SERPINI1: variants seen among roughly 807,000 people sequenced by gnomAD.
SERPINI1 encodes serpin family I member 1.
A neutral mutation model predicts 41.1 loss-of-function variants in SERPINI1; 19 were observed. The observed-to-expected ratio is 0.46, with a 90% CI of 0.32 to 0.68. The LOEUF is 0.68. Ranked by LOEUF, SERPINI1 falls within the 30% of genes least tolerant of loss-of-function variation. SERPINI1 has a pLI of 0.03. For synonymous variants in SERPINI1, 138 were observed against 156.6 expected (o/e 0.88, Z 0.89); for missense variants, 460 against 479.2 (o/e 0.96, Z 0.37).
chr3:167,749,202 C>G (rs144249924), intron 1 of SERPINI1, among the ~76,000 whole-genome samples: 2 of 152,248 alleles, frequency 1.3e-5, no homozygotes, highest in East Asian at 3.9e-4. Flanking sequence ...TTCCTCTCTT[C>G]TGTGTCTTAA....
chr3:167,789,403 T>C lies in SERPINI1; in HGVS notation c.250+25T>C, dbSNP rs777674900. 3.7e-6 allele frequency: 6 copies of C among 1,613,734 alleles called. No individual in the cohort carries two copies. In the Admixed American group the frequency reaches 1.0e-4, roughly 27 times the overall value. ...GGTAAGAGTGATCAGGTTTGATTTCTCAAGACTTTTGAATTTGACTTTGAC... is the reference window on the plus strand; with the variant it reads ...GGTAAGAGTGATCAGGTTTGATTTCCCAAGACTTTTGAATTTGACTTTGAC... On this transcript the variant is annotated intron_variant, in intron 2 of 8. Transcript: ENST00000446050.
At chr3:167,806,694 T>C (rs1468486330) in intron 5 of SERPINI1, among the ~76,000 whole-genome samples, 6 of 152,158 alleles carry the variant, frequency 3.9e-5, no homozygotes, top group Non-Finnish European at 8.8e-5. Context: ...ATGCTAAATG[T>C]ATTTATTGCA....
chr3:167,757,499 C>T (rs1029117568), intron 1 of SERPINI1, among the ~76,000 whole-genome samples: 1 of 150,914 alleles, frequency 6.6e-6, no homozygotes, highest in Non-Finnish European at 1.5e-5. Flanking sequence ...TTAGTGAGAT[C>T]TCTCTCTCTC....
At chr3:167,812,248 C>G (rs556576714) in intron 6 of SERPINI1, among the ~76,000 whole-genome samples, 25 of 152,298 alleles carry the variant, frequency 1.6e-4, no homozygotes, top group South Asian at 1.2e-3. Context: ...TTAGATCATT[C>G]CAGTTCCTGT....
At chr3:167,787,429 T>C (rs1727350808) in intron 1 of SERPINI1, among the ~76,000 whole-genome samples, 1 of 152,238 alleles carries the variant, frequency 6.6e-6, no homozygotes, top group African/African-American at 2.4e-5. Flanking sequence ...ACCTATCACA[T>C]GCGTCACCAC....
rs115642009 is a variant in SERPINI1, at chr3:167,810,278, C to T, written c.979+2937C>T. On this transcript the variant is annotated intron_variant, in intron 6 of 8. Transcript: ENST00000446050. ...GATTAATGTCTATAACTCTTCATAACCCCCATAAATACCCAGGAAAATTAT... is the reference window on the plus strand; with the variant it reads ...GATTAATGTCTATAACTCTTCATAATCCCCATAAATACCCAGGAAAATTAT... Among the ~76,000 whole-genome samples, 695 of 152,128 alleles carry T rather than the reference C, an allele frequency of 4.6e-3. 7 individuals are homozygous for T. The highest frequency in any genetic ancestry group is 0.016 in the African/African-American group (656 of 41,520).
intron 1 of SERPINI1, among the ~76,000 whole-genome samples, chr3:167,744,820 T>C (rs1299486080): frequency 1.3e-4 from 15 of 116,340 alleles, no homozygotes; most frequent in African/African-American, 4.7e-4. Context: ...AATATAGTTA[T>C]ATATATAATA....
intron 1 of SERPINI1, among the ~76,000 whole-genome samples, chr3:167,741,646 T>C (rs375699683): frequency 6.6e-6 from 1 of 152,332 alleles, no homozygotes; most frequent in East Asian, 1.9e-4. Context: ...TTGAATTAAA[T>C]CAGTTATTGG....
At position 167,792,791 on chromosome 3, in the gene SERPINI1, C is replaced by T. The variant is rs1560010016; in HGVS notation, c.676+7C>T. ...CAAGGAGAATTTTATTATGGTAAGA[C>T]ATTTTTTGCTTTTATTTCTCTCTTC... On this transcript the variant is annotated splice_region_variant and intron_variant, in intron 4 of 8. Coordinates refer to ENST00000446050, the MANE Select transcript of SERPINI1 (RefSeq NM_001122752.2). 2 of 1,610,062 alleles carry T rather than the reference C, an allele frequency of 1.2e-6. No individual in the cohort carries two copies. Among genetic ancestry groups the T allele is most frequent in the Non-Finnish European group, 1.7e-6 (2 of 1,176,758 alleles).
In SERPINI1 at chr3:167,790,387, T is replaced by C; in HGVS notation, c.266T>C (p.Phe89Ser). 6.2e-7 allele frequency: 1 copy of C among 1,612,286 alleles called. No homozygotes were observed. Among genetic ancestry groups the C allele is most frequent in the South Asian group, 1.1e-5 (1 of 90,998 alleles). The part of the protein sequence containing the change: ...DSLKNGEEFS[F>S]LKEFSNMVTA... ...CATCTTTCAGGTGAAGAATTTTCTT[T>C]CTTGAAGGAGTTTTCAAACATGGTA... The change falls in exon 3 of 9, where the codon TTC becomes TCC. Residue 89 changes from phenylalanine to serine, a missense_variant. By Grantham distance (155) the Phe-to-Ser change is radical. Transcript: ENST00000446050.
chr3:167,824,681 A>T (rs1712455570), intron 8 of SERPINI1, 119 bp downstream of exon 8: 1 of 645,272 alleles, frequency 1.5e-6, no homozygotes, highest in Non-Finnish European at 2.7e-6. Context: ...TTATTTATTT[A>T]TTCTCTTTCC....
chr3:167,736,780 G>T (rs1296714538), intron 1 of SERPINI1, among the ~76,000 whole-genome samples: 1 of 152,178 alleles, frequency 6.6e-6, no homozygotes, highest in African/African-American at 2.4e-5. Flanking sequence ...AAGTTGTAAT[G>T]CTGGGTAAAG....
chr3:167,798,049 A>G (rs1727773383), intron 5 of SERPINI1, among the ~76,000 whole-genome samples: 1 of 152,164 alleles, frequency 6.6e-6, no homozygotes, highest in Non-Finnish European at 1.5e-5. Context: ...CTCCAATTCT[A>G]TGAGGATGCA....
intron 7 of SERPINI1, among the ~76,000 whole-genome samples, chr3:167,823,960 A>C (rs780612120): frequency 2.0e-5 from 3 of 152,218 alleles, no homozygotes; most frequent in Non-Finnish European, 2.9e-5. Context: ...TCTCACTGTT[A>C]TATTTTCCCT....
intron 1 of SERPINI1, among the ~76,000 whole-genome samples, chr3:167,783,702 C>T (rs1005998677): frequency 6.6e-6 from 1 of 152,136 alleles, no homozygotes; most frequent in Admixed American, 6.5e-5. Context: ...AATAACCACC[C>T]AACATTCAGG....
chr3:167,795,943 A>G (rs1236156138), intron 5 of SERPINI1, among the ~76,000 whole-genome samples: 1 of 152,176 alleles, frequency 6.6e-6, no homozygotes, highest in Non-Finnish European at 1.5e-5. Flanking sequence ...CAGATTAAAT[A>G]TATACGTATG....
intron 1 of SERPINI1, among the ~76,000 whole-genome samples, chr3:167,772,476 A>G (rs1336663647): frequency 6.6e-6 from 1 of 151,958 alleles, no homozygotes; most frequent in Non-Finnish European, 1.5e-5. Flanking sequence ...TGCTTTTCTT[A>G]TTGGGATTTT....
At chr3:167,794,599 T>A in intron 4 of SERPINI1, 21 bp from the exon 5 acceptor site, 1 of 1,608,350 alleles carries the variant, frequency 6.2e-7, no homozygotes, top group Non-Finnish European at 8.5e-7. Flanking sequence ...GCATCTTTTA[T>A]GGCCTTTATT....
chr3:167,772,831 T>A (rs1380416530), intron 1 of SERPINI1, among the ~76,000 whole-genome samples: 1,050 of 15,794 alleles, frequency 0.066, 25 homozygotes, highest in African/African-American at 0.15. Context: ...AGACTCTCTC[T>A]CTCTCTCTCT....
Sources: gnomAD v4.1 joint callset for allele counts (sites outside exome capture counted in the v4.1 genomes callset) on GRCh38, gnomAD v4.1.1 for gene constraint, MANE v1.5 for transcripts, NCBI Gene and HGNC (gene_info 2026-07-23, HGNC 2026-07-21) for gene names.